The following DLGAP2 variants were observed in gnomAD, a reference collection of about 807,000 sequenced individuals.
DLGAP2 encodes disks large-associated protein 2.
DLGAP2 carries 26 observed loss-of-function variants against 100.3 expected under a neutral mutation model. The ratio of observed to expected loss-of-function variants is 0.26; its 90% CI spans 0.19 to 0.36. The LOEUF (loss-of-function observed/expected upper bound fraction) is 0.36. DLGAP2 is among the 10% of genes least tolerant of loss of function. The pLI is 1.00. For missense variants in DLGAP2, 1,858 were observed against 1,453.2 expected (o/e 1.28, Z -4.53); for synonymous variants, 886 against 630.1 (o/e 1.41, Z -6.08).
chr8:999,264 T>C (rs1048336988), intron 2 of DLGAP2, among the ~76,000 whole-genome samples: 1 of 151,830 alleles, frequency 6.6e-6, no homozygotes, highest in Non-Finnish European at 1.5e-5. Context: ...GGTGTTGTCC[T>C]TTGCTGCTGC....
intron 3 of DLGAP2, among the ~76,000 whole-genome samples, chr8:1,486,444 G>T (rs557144777): frequency 6.6e-6 from 1 of 152,194 alleles, no homozygotes; most frequent in Non-Finnish European, 1.5e-5. Flanking sequence ...GTGGTGGCAC[G>T]TGCGAAGCCT....
At chr8:1,316,875 T>C (rs1367891309) in intron 3 of DLGAP2, among the ~76,000 whole-genome samples, 1 of 137,036 alleles carries the variant, frequency 7.3e-6, no homozygotes, top group Non-Finnish European at 1.5e-5. Context: ...CTCGAGAAAC[T>C]CGGCAGCTTT....
At chr8:1,464,208 C>T (rs551556605) in intron 3 of DLGAP2, among the ~76,000 whole-genome samples, 12,412 of 148,312 alleles carry the variant, frequency 0.084, 391 homozygotes, top group Admixed American at 0.11. Flanking sequence ...CAGGACAACA[C>T]CCTTCCAGGA....
rs114060314 is a variant in DLGAP2 at position 852,612 on chromosome 8, A to C, written c.19-55300A>C. Among the ~76,000 whole-genome samples, 869 of 152,282 alleles carry C rather than the reference A, an allele frequency of 5.7e-3. 9 individuals are homozygous for C. Among genetic ancestry groups the C allele is most frequent in the African/African-American group, 0.02 (830 of 41,562 alleles). ...TCTCAGCCTCGTGGGCTTTTGTATA[A>C]ATTGCGGACAGAGTGTTATGTTCCC... On this transcript the variant is annotated intron_variant, in intron 1 of 14. Coordinates refer to ENST00000637795, the MANE Select transcript of DLGAP2 (RefSeq NM_001346810.2).
chr8:1,407,889 G>A (rs188770019), intron 3 of DLGAP2, among the ~76,000 whole-genome samples: 2 of 150,766 alleles, frequency 1.3e-5, no homozygotes, highest in South Asian at 2.2e-4. Context: ...CTTGTCCTCT[G>A]GAGTCATGTA....
chr8:785,414 C>G (rs1328940354), intron 1 of DLGAP2, among the ~76,000 whole-genome samples: 2 of 149,528 alleles, frequency 1.3e-5, no homozygotes, highest in Admixed American at 6.7e-5. Flanking sequence ...CCCCTCAGGT[C>G]TCTCTGAGAC....
At chr8:1,012,150 G>C (rs991163558) in intron 2 of DLGAP2, among the ~76,000 whole-genome samples, 1 of 152,266 alleles carries the variant, frequency 6.6e-6, no homozygotes, top group East Asian at 1.9e-4. Context: ...CCCTTGCTAG[G>C]CTGTGTGATT....
intron 2 of DLGAP2, among the ~76,000 whole-genome samples, chr8:1,220,437 C>T (rs1019233427): frequency 6.6e-6 from 1 of 152,028 alleles, no homozygotes; most frequent in Admixed American, 6.5e-5. Flanking sequence ...TGGTGTTGAT[C>T]TCTGTTTTTA....
chr8:1,623,277 TGCCCCCATCCC>T (rs1397193779), intron 6 of DLGAP2, among the ~76,000 whole-genome samples: 1 of 152,228 alleles, frequency 6.6e-6, no homozygotes, highest in Non-Finnish European at 1.5e-5. Context: ...AAGGGAGTGC[TGCCCCCATCCC>T]GCCCAAGCCT....
intron 3 of DLGAP2, among the ~76,000 whole-genome samples, chr8:1,322,808 T>G (rs1164608622): frequency 1.3e-5 from 2 of 152,216 alleles, no homozygotes; most frequent in Admixed American, 6.5e-5. Flanking sequence ...ATAAGCCGAG[T>G]TAATAATTTC....
chr8:1,219,016 C>T (rs1329400325), intron 2 of DLGAP2, among the ~76,000 whole-genome samples: 6 of 152,072 alleles, frequency 3.9e-5, no homozygotes, highest in Non-Finnish European at 7.4e-5. Flanking sequence ...TTTTAGGAGC[C>T]TTTGGGCAGA....
Position 1,549,437 on chromosome 8 carries a change from C to T in DLGAP2, c.984C>T (p.Pro328=), listed in dbSNP as rs1293904138. 3.1e-6 allele frequency: 5 copies of T among 1,613,480 alleles called. No homozygotes were observed. Among genetic ancestry groups the T allele is most frequent in the South Asian group, 1.1e-5 (1 of 91,066 alleles). The change falls in exon 5 of 15, where the codon CCC becomes CCT. Residue 328 remains proline (P), a synonymous_variant. Coordinates refer to ENST00000637795, the MANE Select transcript of DLGAP2 (RefSeq NM_001346810.2). ...TGGGCCCCGTGGCCCACTGCTACCC[C>T]GACGCGCTGCAGAGCCCCTTCGGGG... is the stretch of plus-strand genomic sequence containing the variant. The part of the protein sequence containing the change: ...HHLGPVAHCY[P]DALQSPFGDL...
intron 1 of DLGAP2, among the ~76,000 whole-genome samples, chr8:789,723 G>T (rs1277935032): frequency 6.6e-6 from 1 of 152,178 alleles, no homozygotes; most frequent in Non-Finnish European, 1.5e-5. Context: ...CCTTTGGACG[G>T]CGTCTGCTGT....
At chr8:1,379,058 C>A (rs1796030333) in intron 3 of DLGAP2, among the ~76,000 whole-genome samples, 2 of 152,258 alleles carry the variant, frequency 1.3e-5, no homozygotes, top group African/African-American at 4.8e-5. Flanking sequence ...AATTCAATTT[C>A]TTTCCCAAAA....
At chr8:1,119,336 A>G (rs769562277) in intron 2 of DLGAP2, among the ~76,000 whole-genome samples, 13 of 152,242 alleles carry the variant, frequency 8.5e-5, no homozygotes, top group Admixed American at 4.6e-4. Context: ...GTGTTTAGCT[A>G]GAAAGAAGCT....
At chr8:1,071,123 A>T (rs1018301748) in intron 2 of DLGAP2, among the ~76,000 whole-genome samples, 8 of 152,230 alleles carry the variant, frequency 5.3e-5, no homozygotes, top group African/African-American at 1.9e-4. Flanking sequence ...CCTCCCACGG[A>T]TTTGCAGCTG....
chr8:1,201,187 C>T (rs1229627456), intron 2 of DLGAP2, among the ~76,000 whole-genome samples: 2 of 152,202 alleles, frequency 1.3e-5, no homozygotes, highest in African/African-American at 4.8e-5. Flanking sequence ...TAGGGAGCCC[C>T]TTGTCCATCA....
At chr8:1,330,159 C>CT (rs1259002145) in intron 3 of DLGAP2, among the ~76,000 whole-genome samples, 2 of 152,058 alleles carry the variant, frequency 1.3e-5, no homozygotes, top group Non-Finnish European at 2.9e-5. Flanking sequence ...TGGCAGGAGC[C>CT]AACAGGTGCT....
chr8:747,591 C>A (rs1820657471), intron 1 of DLGAP2, among the ~76,000 whole-genome samples: 1 of 118,340 alleles, frequency 8.5e-6, no homozygotes, highest in South Asian at 2.9e-4. Context: ...TGAGGGGCTC[C>A]ATGACGGGAC....
Sources: allele counts gnomAD v4.1 joint callset (sites outside exome capture counted in the v4.1 genomes callset), GRCh38; gene constraint gnomAD v4.1.1; transcripts MANE v1.5; gene names NCBI Gene and HGNC (gene_info 2026-07-23, HGNC 2026-07-21).